MAGI2: variants seen among roughly 807,000 people sequenced by gnomAD.
The protein encoded by MAGI2 is membrane-associated guanylate kinase, WW and PDZ domain-containing protein 2.
MAGI2 carries 35 observed loss-of-function variants against 133.3 expected under a neutral mutation model. That is an observed-to-expected ratio of 0.26 (90% CI 0.20 to 0.35). The LOEUF is 0.35. Ranked by LOEUF, MAGI2 falls within the 10% of genes least tolerant of loss-of-function variation. The pLI is 1.00. For synonymous variants in MAGI2, 729 were observed against 710.6 expected (o/e 1.03, Z -0.41); for missense variants, 1,636 against 1,863.4 (o/e 0.88, Z 2.25).
intron 1 of MAGI2, among the ~76,000 whole-genome samples, chr7:79,451,850 G>A (rs1849280965): frequency 6.6e-6 from 1 of 151,972 alleles, no homozygotes; most frequent in Non-Finnish European, 1.5e-5. Context: ...CATACATACC[G>A]CACACGAATT....
rs914100457 is a variant in MAGI2, at chr7:78,231,327, CT to C, written c.2047+24615del. On this transcript the variant is annotated intron_variant, in intron 10 of 21. Coordinates refer to ENST00000354212, the MANE Select transcript of MAGI2 (RefSeq NM_012301.4). ...GTATTCCTCCATGGAGAGGAATACTCTTTGGAATTCTGGATGGGATGGGTTT... is the reference window on the plus strand; with the variant it reads ...GTATTCCTCCATGGAGAGGAATACTCTTGGAATTCTGGATGGGATGGGTTT... 1.5e-4 allele frequency among the ~76,000 whole-genome samples: 23 copies of C among 152,298 alleles called. No individual in the cohort carries two copies. In the East Asian group the frequency reaches 3.5e-3, roughly 23 times the overall value.
intron 2 of MAGI2, among the ~76,000 whole-genome samples, chr7:78,769,072 C>A (rs2151315825): frequency 6.6e-6 from 1 of 152,266 alleles, no homozygotes. Flanking sequence ...CCACTCCCTG[C>A]TCAGTACAGG....
At chr7:79,170,136 A>ATTTTTTTTTT (rs1825370704) in intron 1 of MAGI2, among the ~76,000 whole-genome samples, 1 of 81,364 alleles carries the variant, frequency 1.2e-5, no homozygotes, top group African/African-American at 5.0e-5. Context: ...GAGATATTAT[A>ATTTTTTTTTT]CTTTTTTTTT....
At chr7:78,475,353 A>G (rs1428440916) in intron 6 of MAGI2, among the ~76,000 whole-genome samples, 1 of 152,042 alleles carries the variant, frequency 6.6e-6, no homozygotes, top group Non-Finnish European at 1.5e-5. Context: ...ATAGCTGGAT[A>G]GTAAACTATT....
At chr7:78,775,824 G>A (rs990471384) in intron 2 of MAGI2, among the ~76,000 whole-genome samples, 1 of 152,226 alleles carries the variant, frequency 6.6e-6, no homozygotes. Context: ...AAGACCCAAC[G>A]CAACTGGTGC....
intron 1 of MAGI2, among the ~76,000 whole-genome samples, chr7:79,035,002 T>C (rs1193840402): frequency 6.6e-5 from 10 of 152,200 alleles, no homozygotes; most frequent in Non-Finnish European, 1.5e-4. Flanking sequence ...TGATTACCAC[T>C]TGGATACTTA....
intron 2 of MAGI2, among the ~76,000 whole-genome samples, chr7:78,833,774 T>C (rs1408908143): frequency 6.6e-6 from 1 of 152,212 alleles, no homozygotes; most frequent in African/African-American, 2.4e-5. Flanking sequence ...GTTGTTGTAC[T>C]ATACCCTGCC....
chr7:78,082,041 C>T (rs114668284), intron 20 of MAGI2, among the ~76,000 whole-genome samples: 15 of 152,244 alleles, frequency 9.9e-5, no homozygotes, highest in East Asian at 3.9e-4. Flanking sequence ...TAAACCCCCT[C>T]GAACCCCAAA....
chr7:78,995,054 TA>T (rs1185894253), intron 2 of MAGI2, among the ~76,000 whole-genome samples: 13 of 151,898 alleles, frequency 8.6e-5, no homozygotes, highest in African/African-American at 2.4e-4. Flanking sequence ...TTCAGAAAGT[TA>T]AAAAAATAAA....
chr7:78,270,052 G>A (rs1015081680), intron 9 of MAGI2, among the ~76,000 whole-genome samples: 1 of 152,088 alleles, frequency 6.6e-6, no homozygotes, highest in Non-Finnish European at 1.5e-5. Context: ...TTTTTGTCAG[G>A]TTTGTCAGAG....
intron 9 of MAGI2, among the ~76,000 whole-genome samples, chr7:78,272,768 C>T (rs554314554): frequency 3.8e-4 from 57 of 151,938 alleles, no homozygotes; most frequent in African/African-American, 1.4e-3. Flanking sequence ...GCAACCCCTG[C>T]TTTTTTTTGC....
At chr7:78,287,036 CTTTG>C (rs1001901554) in intron 9 of MAGI2, among the ~76,000 whole-genome samples, 13 of 152,156 alleles carry the variant, frequency 8.5e-5, no homozygotes, top group African/African-American at 1.2e-4. Context: ...AAGGAATTAT[CTTTG>C]TTTGTTTCTT....
chr7:79,014,764 A>G (rs193070419), intron 1 of MAGI2, among the ~76,000 whole-genome samples: 2 of 152,286 alleles, frequency 1.3e-5, no homozygotes, highest in Non-Finnish European at 2.9e-5. Context: ...TAAAACACTT[A>G]CTAAGATTAT....
chr7:78,798,900 G>C (rs991171626), intron 2 of MAGI2, among the ~76,000 whole-genome samples: 1 of 152,114 alleles, frequency 6.6e-6, no homozygotes, highest in African/African-American at 2.4e-5. Context: ...AATTCCAAAG[G>C]CCTTTGCCAA....
intron 1 of MAGI2, among the ~76,000 whole-genome samples, chr7:79,373,424 C>T (rs931146921): frequency 2.6e-5 from 4 of 151,684 alleles, no homozygotes; most frequent in African/African-American, 9.7e-5. Flanking sequence ...GTTAAATATC[C>T]TATAATTTAA....
intron 9 of MAGI2, among the ~76,000 whole-genome samples, chr7:78,261,080 C>T (rs1793474046): frequency 6.6e-6 from 1 of 152,096 alleles, no homozygotes; most frequent in African/African-American, 2.4e-5. Flanking sequence ...GTCTGCCTTC[C>T]TTAAACACAA....
chr7:78,769,145 G>A (rs1211972670), intron 2 of MAGI2, among the ~76,000 whole-genome samples: 2 of 152,148 alleles, frequency 1.3e-5, no homozygotes, highest in African/African-American at 4.8e-5. Context: ...GCATTCTAGC[G>A]CGGGGACACA....
At chr7:78,551,914 T>A (rs922413039) in intron 3 of MAGI2, among the ~76,000 whole-genome samples, 6 of 152,048 alleles carry the variant, frequency 3.9e-5, no homozygotes, top group Non-Finnish European at 8.8e-5. Flanking sequence ...CCAGCTAATT[T>A]TTGTATTTTT....
chr7:78,113,768 C>A (rs555834437), intron 20 of MAGI2, among the ~76,000 whole-genome samples: 1 of 152,062 alleles, frequency 6.6e-6, no homozygotes, highest in Non-Finnish European at 1.5e-5. Context: ...GAGATGCATG[C>A]CTGTATTTTA....
Sources: gnomAD v4.1 joint callset for allele counts (sites outside exome capture counted in the v4.1 genomes callset) on GRCh38, gnomAD v4.1.1 for gene constraint, MANE v1.5 for transcripts, NCBI Gene and HGNC (gene_info 2026-07-23, HGNC 2026-07-21) for gene names.